CRCP: variants seen among roughly 807,000 people sequenced by gnomAD.
CRCP encodes the protein DNA-directed RNA polymerase III subunit RPC9.
Under a neutral mutation model 18.5 loss-of-function variants are expected in CRCP, and 18 were observed. The ratio of observed to expected loss-of-function variants is 0.97; its 90% CI spans 0.67 to 1.44. The LOEUF (loss-of-function observed/expected upper bound fraction) is 1.44. CRCP is among the 40% of genes most tolerant of loss of function. The pLI is 0.00. For missense variants in CRCP, 130 were observed against 176.4 expected (o/e 0.74, Z 1.49); for synonymous variants, 53 against 62.9 (o/e 0.84, Z 0.75).
rs541552829 is a variant in CRCP at position 66,127,805 on chromosome 7, G to A, written c.45+65G>A. 2.3e-5 allele frequency: 36 copies of A among 1,567,036 alleles called. No individual in the cohort carries two copies. In the Admixed American group the frequency reaches 6.0e-4, roughly 26 times the overall value. On this transcript the variant is annotated intron_variant, in intron 2 of 5. Transcript: ENST00000395326. ...CCTTCGCTCCTGAGATTGTTAAATT[G>A]ATTTTGGTTAGAAATGACTGAATTC...
At chr7:66,136,232 G>A (rs1167342091) in intron 4 of CRCP, among the ~76,000 whole-genome samples, 2 of 150,858 alleles carry the variant, frequency 1.3e-5, no homozygotes, top group Admixed American at 6.6e-5. Context: ...TTTTTTTATT[G>A]GTTTGTTTTT....
intron 3 of CRCP, among the ~76,000 whole-genome samples, chr7:66,132,910 C>CAAATAAAT (rs572717897): frequency 3.3e-5 from 5 of 150,652 alleles, no homozygotes; most frequent in Middle Eastern, 6.8e-3. Flanking sequence ...GACTCTGTCT[C>CAAATAAAT]AAATAAATAA....
intron 1 of CRCP, among the ~76,000 whole-genome samples, chr7:66,123,216 A>T (rs1787504191): frequency 2.6e-5 from 4 of 152,198 alleles, no homozygotes; most frequent in Admixed American, 2.6e-4. Context: ...GGCCTCCCAA[A>T]GTGCCGGGAT....
chr7:66,138,788 G>A (rs1374014913), intron 4 of CRCP, among the ~76,000 whole-genome samples: 5 of 82,792 alleles, frequency 6.0e-5, no homozygotes, highest in African/African-American at 5.1e-5. Flanking sequence ...GCGAGACTCC[G>A]TCTCAAAAAA....
rs748405280 is a variant in CRCP at position 66,114,914 on chromosome 7, T to C, written c.-49T>C. 4 of 1,610,170 alleles carry C rather than the reference T, an allele frequency of 2.5e-6. No homozygotes were observed. In the Admixed American group the frequency reaches 5.0e-5, roughly 20 times the overall value. On this transcript the variant is annotated 5_prime_UTR_variant, in exon 1 of 6. Coordinates refer to ENST00000395326, the MANE Select transcript of CRCP (RefSeq NM_014478.5). ...GGTGGCGGCGGAGACAGCTGTGAAG[T>C]GTGAGGTTCTTTGTCTGCTGGCAGC...
At chr7:66,134,454 T>C (rs1056233719) in intron 4 of CRCP, 80 bp downstream of exon 4, 14 of 1,055,206 alleles carry the variant, frequency 1.3e-5, no homozygotes, top group Non-Finnish European at 1.9e-5. Context: ...CGTGTATTGA[T>C]ATTCGGCTGG....
intron 1 of CRCP, among the ~76,000 whole-genome samples, chr7:66,117,846 C>T (rs1427631898): frequency 6.6e-6 from 1 of 152,214 alleles, no homozygotes; most frequent in Non-Finnish European, 1.5e-5. Context: ...CTCCCAGACA[C>T]ACACTTTCCA....
rs1420563613 is a variant in CRCP, at chr7:66,152,901, C to T, written c.*544C>T. ...CCAATCCTTCAACAGCTCTAGAGCC[C>T]CTTTTCTCTGCTGGCAGGGGCTTTG... On this transcript the variant is annotated 3_prime_UTR_variant, in exon 6 of 6. Transcript: ENST00000395326. 1 of 153,150 alleles carries T rather than the reference C, an allele frequency of 6.5e-6. No individual in the cohort carries two copies. 9.5% of individuals were successfully genotyped at this position (153,150 alleles called of 1,614,324 possible).
rs577287676 is a variant in CRCP, at chr7:66,131,682, C to A, written c.144+840C>A. 7.2e-5 allele frequency among the ~76,000 whole-genome samples: 11 copies of A among 152,142 alleles called. 1 individual carries two copies. In the South Asian group the frequency reaches 1.5e-3, roughly 20 times the overall value. ...TTTTATCTATATTCTTCCTCAAAAG[C>A]CACAAAATCTGTGTAATCATGAGAA... is the stretch of plus-strand genomic sequence containing the variant. On this transcript the variant is annotated intron_variant, in intron 3 of 5. Transcript: ENST00000395326.
intron 1 of CRCP, among the ~76,000 whole-genome samples, chr7:66,115,667 T>C (rs941844694): frequency 1.3e-5 from 2 of 152,224 alleles, no homozygotes; most frequent in Admixed American, 6.6e-5. Flanking sequence ...GAATGTGGGC[T>C]TTATACGGTT....
intron 3 of CRCP, 31 bp from the exon 4 acceptor site, chr7:66,134,249 T>TG (rs1440395359): frequency 4.1e-6 from 6 of 1,446,550 alleles, no homozygotes; most frequent in Admixed American, 2.2e-5. Flanking sequence ...GTCTTATGCT[T>TG]GGCTTTTTTC....
rs1788192175 is a variant in CRCP, at chr7:66,143,255, G to A, written c.240-2188G>A. Among the ~76,000 whole-genome samples the A allele has an allele frequency of 2.0e-5, 3 of 152,160 alleles. No individual in the cohort carries two copies. In the South Asian group the frequency reaches 6.2e-4, roughly 32 times the overall value. The stretch of plus-strand genomic sequence containing the variant: ...TGTTACAATGCATTCCTCACTGTCT[G>A]CCTCCATTTTCTTGGGTCTTCCCAA... On this transcript the variant is annotated intron_variant, in intron 4 of 5. Transcript: ENST00000395326.
chr7:66,136,430 A>C (rs916056479), intron 4 of CRCP, among the ~76,000 whole-genome samples: 3 of 152,088 alleles, frequency 2.0e-5, no homozygotes, highest in African/African-American at 7.2e-5. Flanking sequence ...TGGTTTCTCC[A>C]TGTTGATCAG....
chr7:66,140,650 C>T (rs1788109766), intron 4 of CRCP, among the ~76,000 whole-genome samples: 1 of 152,178 alleles, frequency 6.6e-6, no homozygotes, highest in Admixed American at 6.5e-5. Context: ...CTCAGCCTCC[C>T]AAAGTGCTGG....
At chr7:66,125,042 C>T (rs1307667396) in intron 1 of CRCP, among the ~76,000 whole-genome samples, 1 of 149,252 alleles carries the variant, frequency 6.7e-6, no homozygotes, top group Non-Finnish European at 1.5e-5. Context: ...TGACAGATGA[C>T]ATTGATATTT....
At chr7:66,129,269 C>T (rs1485301223) in intron 2 of CRCP, among the ~76,000 whole-genome samples, 2 of 152,082 alleles carry the variant, frequency 1.3e-5, no homozygotes, top group African/African-American at 4.8e-5. Flanking sequence ...GGGGGTGGAG[C>T]CTGCAGTGAG....
chr7:66,129,084 A>G (rs529500125), intron 2 of CRCP, among the ~76,000 whole-genome samples: 2 of 152,270 alleles, frequency 1.3e-5, no homozygotes, highest in Admixed American at 1.3e-4. Context: ...CTGTAATCCC[A>G]GTACTTTGGG....
chr7:66,119,028 C>G (rs945682641), intron 1 of CRCP, among the ~76,000 whole-genome samples: 1 of 152,152 alleles, frequency 6.6e-6, no homozygotes, highest in Non-Finnish European at 1.5e-5. Flanking sequence ...TGACCTATCT[C>G]GTCTGATTGT....
At chr7:66,116,707 C>G (rs1459217744) in intron 1 of CRCP, among the ~76,000 whole-genome samples, 1 of 152,122 alleles carries the variant, frequency 6.6e-6, no homozygotes. Context: ...ATGTCCCCCT[C>G]TTACTCCATT....
Sources: allele counts gnomAD v4.1 joint callset (sites outside exome capture counted in the v4.1 genomes callset), GRCh38; gene constraint gnomAD v4.1.1; transcripts MANE v1.5; gene names NCBI Gene and HGNC (gene_info 2026-07-23, HGNC 2026-07-21).